Variants in GALNT13 observed in about 807,000 individuals in gnomAD.
The protein encoded by GALNT13 is UDP-GalNAc:polypeptide N-acetylgalactosaminyltransferase 13.
In GALNT13, 28 loss-of-function variants were observed where a neutral mutation model predicts 64.2. The observed-to-expected ratio is 0.44, with a 90% CI of 0.32 to 0.60. The LOEUF (loss-of-function observed/expected upper bound fraction) is 0.60. GALNT13 is among the 20% of genes least tolerant of loss of function. GALNT13 has a pLI of 0.05. For missense variants in GALNT13, 577 were observed against 669.8 expected (o/e 0.86, Z 1.53); for synonymous variants, 214 against 224.6 (o/e 0.95, Z 0.42).
the GALNT13 span, among the ~76,000 whole-genome samples, chr2:153,095,900 C>A: frequency 6.7e-6 from 1 of 150,158 alleles, no homozygotes; most frequent in African/African-American, 2.5e-5. Context: ...GTGGGGGGAG[C>A]GGGGAGGGAT....
chr2:153,304,720 A>T, the GALNT13 span, among the ~76,000 whole-genome samples: 1 of 152,140 alleles, frequency 6.6e-6, no homozygotes, highest in Non-Finnish European at 1.5e-5. Context: ...CCAGCTGGGC[A>T]AATAAAAAAT....
the GALNT13 span, among the ~76,000 whole-genome samples, chr2:153,834,720 G>T: frequency 1.3e-5 from 2 of 151,946 alleles, no homozygotes; most frequent in African/African-American, 2.4e-5. Context: ...AGTACACATT[G>T]ATTTTCTTTT....
At chr2:153,936,509 C>T (rs1381047515) in intron 2 of GALNT13, among the ~76,000 whole-genome samples, 1 of 151,996 alleles carries the variant, frequency 6.6e-6, no homozygotes, top group African/African-American at 2.4e-5. Flanking sequence ...GACTGATTGG[C>T]CTGAAACAGC....
intron 3 of GALNT13, among the ~76,000 whole-genome samples, chr2:154,058,093 A>G (rs926742079): frequency 1.3e-5 from 2 of 152,166 alleles, no homozygotes; most frequent in African/African-American, 4.8e-5. Flanking sequence ...TTATGAAGGT[A>G]GTTAATGTTA....
chr2:153,940,034 TC>T lies in GALNT13; in HGVS notation c.-104-4357del, dbSNP rs371115714. Among the ~76,000 whole-genome samples, 822 of 152,284 alleles carry T rather than the reference TC, an allele frequency of 5.4e-3. 5 individuals carry two copies. Among genetic ancestry groups the T allele is most frequent in the African/African-American group, 0.018 (755 of 41,562 alleles). ...GAATTTTAGCGTATCATCAATATTC[TC>T]CCTTTCCTTAGTGTATATGCAAATG... On this transcript the variant is annotated intron_variant, in intron 2 of 12. Coordinates refer to ENST00000392825, the MANE Select transcript of GALNT13 (RefSeq NM_052917.4).
chr2:153,575,208 CCAAA>C, the GALNT13 span, among the ~76,000 whole-genome samples: 2 of 152,120 alleles, frequency 1.3e-5, no homozygotes, highest in Non-Finnish European at 2.9e-5. Flanking sequence ...GTGCTTTCTG[CCAAA>C]CAAACAACAT....
chr2:153,228,596 G>A, the GALNT13 span, among the ~76,000 whole-genome samples: 1 of 151,986 alleles, frequency 6.6e-6, no homozygotes, highest in Non-Finnish European at 1.5e-5. Context: ...ATGTAGATAC[G>A]AGGCAGGGCA....
chr2:153,198,905 C>T, the GALNT13 span, among the ~76,000 whole-genome samples: 1 of 152,190 alleles, frequency 6.6e-6, no homozygotes, highest in Non-Finnish European at 1.5e-5. Context: ...AGGCCAAGAC[C>T]ATGGGTTTTA....
In GALNT13 at chr2:154,140,326, A is replaced by G. The variant is rs370078254; in HGVS notation, c.143-11A>G. 20 of 1,606,044 alleles carry G rather than the reference A, an allele frequency of 1.2e-5. No individual in the cohort carries two copies. In the East Asian group the frequency reaches 2.0e-4, roughly 16 times the overall value. On this transcript the variant is annotated splice_polypyrimidine_tract_variant and intron_variant, in intron 3 of 12. Coordinates refer to ENST00000392825, the MANE Select transcript of GALNT13 (RefSeq NM_052917.4). Reference sequence around the variant, plus strand: ...TTTGTATGTATGTCTGTATCTCTGTATGTCTTACAGCTGTTATTTCAAGAA... The same window carrying G: ...TTTGTATGTATGTCTGTATCTCTGTGTGTCTTACAGCTGTTATTTCAAGAA...
the GALNT13 span, among the ~76,000 whole-genome samples, chr2:153,492,216 C>T: frequency 6.6e-6 from 1 of 152,084 alleles, no homozygotes; most frequent in Non-Finnish European, 1.5e-5. Context: ...CTGAAGACAG[C>T]GTCTAAAACA....
intron 4 of GALNT13, among the ~76,000 whole-genome samples, chr2:154,176,366 C>T (rs1330200277): frequency 3.3e-5 from 5 of 151,408 alleles, no homozygotes; most frequent in African/African-American, 1.2e-4. Context: ...CCTCCGCCTC[C>T]TGGGTTCTCC....
At chr2:153,396,414 C>A in the GALNT13 span, among the ~76,000 whole-genome samples, 1 of 151,848 alleles carries the variant, frequency 6.6e-6, no homozygotes, top group Non-Finnish European at 1.5e-5. Context: ...CACAAAAATT[C>A]TTTGTGGGAA....
At chr2:153,876,286 G>A (rs1574022363) in intron 1 of GALNT13, among the ~76,000 whole-genome samples, 1 of 151,518 alleles carries the variant, frequency 6.6e-6, no homozygotes, top group South Asian at 2.1e-4. Flanking sequence ...CACATTTAAA[G>A]ATCTGGCACT....
At chr2:153,277,918 C>CTTTTGTTTTTTTTTTTTTTT in the GALNT13 span, among the ~76,000 whole-genome samples, 1 of 39,208 alleles carries the variant, frequency 2.6e-5, no homozygotes, top group Non-Finnish European at 6.1e-5. Context: ...CTTTTGTTTT[C>CTTTTGTTTTTTTTTTTTTTT]TTTTCTTTCT....
the GALNT13 span, among the ~76,000 whole-genome samples, chr2:153,500,463 A>G: frequency 7.2e-5 from 11 of 152,184 alleles, no homozygotes; most frequent in African/African-American, 2.7e-4. Flanking sequence ...TTTTCAAAAA[A>G]GAAACCTGCG....
intron 3 of GALNT13, among the ~76,000 whole-genome samples, chr2:154,008,897 T>G (rs1321590529): frequency 6.6e-6 from 1 of 152,204 alleles, no homozygotes; most frequent in Non-Finnish European, 1.5e-5. Context: ...AGTGCTGAGA[T>G]GAATATACGA....
chr2:153,170,044 A>G, the GALNT13 span, among the ~76,000 whole-genome samples: 1 of 152,236 alleles, frequency 6.6e-6, no homozygotes, highest in African/African-American at 2.4e-5. Context: ...AGTAATTACA[A>G]CTATTATCTA....
chr2:154,402,742 T>C (rs1392810659), intron 10 of GALNT13, among the ~76,000 whole-genome samples: 4 of 152,246 alleles, frequency 2.6e-5, no homozygotes, highest in African/African-American at 9.6e-5. Flanking sequence ...ACCAAGCCAT[T>C]GTTACTGTCA....
At chr2:153,263,231 G>T in the GALNT13 span, among the ~76,000 whole-genome samples, 2,796 of 151,922 alleles carry the variant, frequency 0.018, 82 homozygotes, top group African/African-American at 0.064. Flanking sequence ...TAGGAATACA[G>T]CTAACAAGGG....
Sources: allele counts gnomAD v4.1 joint callset (sites outside exome capture counted in the v4.1 genomes callset), GRCh38; gene constraint gnomAD v4.1.1; transcripts MANE v1.5; gene names NCBI Gene and HGNC (gene_info 2026-07-23, HGNC 2026-07-21).